Variants in MYH4 observed in about 807,000 individuals in gnomAD.
The protein encoded by MYH4 is myosin-4.
Under a neutral mutation model 229.9 loss-of-function variants are expected in MYH4, and 200 were observed. The ratio of observed to expected loss-of-function variants is 0.87; its 90% confidence interval spans 0.78 to 0.98. The LOEUF is 0.98. Ranked by LOEUF, MYH4 falls within the 50% of genes least tolerant of loss-of-function variation. The pLI is 0.00. For missense variants in MYH4, 2,148 were observed against 2,332.6 expected, an observed-to-expected ratio of 0.92 and a Z score of 1.63; for synonymous variants, 761 against 834.6, an observed-to-expected ratio of 0.91 and a Z score of 1.52.
At chr17:10,448,309 C>A in intron 33 of MYH4, 87 bp downstream of exon 33, 1 of 1,450,064 alleles carries the variant, frequency 6.9e-7, no homozygotes, top group East Asian at 2.4e-5. Flanking sequence ...GTGTTATTCC[C>A]TAAAGATTTG....
rs2072681093 is a variant in MYH4 at position 10,459,829 on chromosome 17, CA to C, written c.1416+122del. 3 of 1,562,658 alleles carry C rather than the reference CA, an allele frequency of 1.9e-6. No homozygotes were observed. In the East Asian group the frequency reaches 6.8e-5, roughly 35 times the overall value. ...TACCTATTTACTTTTCATATCTTTT[CA>C]AAGACTCCTTTCAGTAGGAATTACA... On this transcript the variant is annotated intron_variant, in intron 14 of 39. Transcript: ENST00000255381.
At chr17:10,460,352 G>T in intron 12 of MYH4, 31 bp from the exon 13 acceptor site, 1 of 1,457,518 alleles carries the variant, frequency 6.9e-7, no homozygotes, top group South Asian at 1.2e-5. Flanking sequence ...TGGTGAAACT[G>T]ACCATGGCTT....
Position 10,455,291 on chromosome 17 carries a change from TGTATCTGTCAGAATA to T in MYH4, c.2175-11_2178del. ...GGGATAGCACTCGCATTTAGAACCT[TGTATCTGTCAGAATA>T]AAAAGAATATAAAAATGTGGTTTTT... On this transcript the variant is annotated splice_acceptor_variant and splice_polypyrimidine_tract_variant and coding_sequence_variant and intron_variant, in exon 20 of 40. Transcript: ENST00000255381. LOFTEE classifies it high-confidence loss of function. 1 of 1,609,910 alleles carries T rather than the reference TGTATCTGTCAGAATA, an allele frequency of 6.2e-7. No individual in the cohort carries two copies. The highest frequency in any genetic ancestry group is 1.1e-5 in the South Asian group (1 of 89,760).
At chr17:10,464,800 A>G (rs1349953745) in intron 5 of MYH4, 92 bp from the exon 6 acceptor site, 1 of 1,272,028 alleles carries the variant, frequency 7.9e-7, no homozygotes, top group African/African-American at 1.5e-5. Flanking sequence ...GTCTTTTAAA[A>G]CTCCCCATTT....
At chr17:10,465,712 T>C in intron 4 of MYH4, 114 bp from the exon 5 acceptor site, 1 of 1,345,306 alleles carries the variant, frequency 7.4e-7, no homozygotes, top group Non-Finnish European at 1.0e-6. Context: ...TCTCATAAAG[T>C]TTCATTCATT....
In MYH4 at chr17:10,444,893, C is replaced by G. The variant is rs1309927142; in HGVS notation, c.5473G>C (p.Glu1825Gln). ...TCACTTTCCACCTCACTTTCAAGCT[C>G]TCTCACCTGGAAGGGAACAAAGACG... ...QIQKLEARVRELESEVESEQK... is the reference protein window; with the variant it reads ...QIQKLEARVRQLESEVESEQK... The change falls in exon 38 of 40, where the codon GAG (glutamate) becomes CAG (glutamine). Residue 1825 changes from glutamate to glutamine, a missense_variant. Glu to Gln is a conservative substitution (Grantham distance 29). Transcript: ENST00000255381. 2.5e-6 allele frequency: 4 copies of G among 1,614,032 alleles called. No homozygotes were observed. The highest frequency in any genetic ancestry group is 1.6e-4 in the Middle Eastern group (1 of 6,084).
chr17:10,454,403 T>G, intron 22 of MYH4, 152 bp downstream of exon 22: 4 of 997,952 alleles, frequency 4.0e-6, no homozygotes, highest in Non-Finnish European at 6.0e-6. Flanking sequence ...GTGTGCAGCA[T>G]GATATGTGAC....
rs112652869 is a variant in MYH4 at position 10,452,103 on chromosome 17, C to G, written c.3576G>C (p.Thr1192=). The change falls in exon 27 of 40, where the codon ACG becomes ACC. Residue 1192 remains threonine, a synonymous_variant. Transcript: ENST00000255381. Reference sequence around the variant, plus strand: ...CGTGCTTCTTCCGAAGAGCAGCTGCCGTGGCTTCGTGCTGCAGGGTGGACT... The same window carrying G: ...CGTGCTTCTTCCGAAGAGCAGCTGCGGTGGCTTCGTGCTGCAGGGTGGACT... ...LEESTLQHEA[T]AAALRKKHAD... The G allele has an allele frequency of 1.5e-4, 247 of 1,613,996 alleles. 4 individuals carry two copies. In the African/African-American group the frequency reaches 2.7e-3, roughly 17 times the overall value.
intron 14 of MYH4, 136 bp from the exon 15 acceptor site, chr17:10,459,557 TA>T: frequency 6.9e-7 from 1 of 1,447,638 alleles, no homozygotes; most frequent in South Asian, 1.3e-5. Context: ...TCCTATTATA[TA>T]GTTCTAAACA....
At position 10,452,853 on chromosome 17, in the gene MYH4, T is replaced by G. The variant is rs1338591164; in HGVS notation, c.3191A>C (p.Lys1064Thr). 6.2e-7 allele frequency: 1 copy of G among 1,609,096 alleles called. No individual in the cohort carries two copies. The highest frequency in any genetic ancestry group is 1.7e-5 in the Admixed American group (1 of 58,552). ...RAKRKLEGDL[K>T]LAQESTMDTE... ...ATCCATTGTGGATTCTTGGGCCAAT[T>G]TTAGGTCACCCTCCAGTTTTCTCTT... is the stretch of plus-strand genomic sequence containing the variant. Residue 1064 changes from lysine (K) to threonine (T), a missense_variant, in exon 25 of 40, where the codon AAA becomes ACA. Coordinates refer to ENST00000255381, the MANE Select transcript of MYH4 (RefSeq NM_017533.2).
At chr17:10,451,234 G>C in intron 28 of MYH4, 92 bp downstream of exon 28, 1 of 1,451,720 alleles carries the variant, frequency 6.9e-7, no homozygotes, top group South Asian at 1.3e-5. Context: ...TGAATGTACA[G>C]AGCTTGAGAA....
chr17:10,452,080 T>A lies in MYH4; in HGVS notation c.3599A>T (p.His1200Leu). The A allele has an allele frequency of 6.2e-7, 1 of 1,613,986 alleles. No individual in the cohort carries two copies. The highest frequency in any genetic ancestry group is 8.5e-7 in the Non-Finnish European group (1 of 1,179,930). ...CCCAAGCTCAGCCACACTATCTGCG[T>A]GCTTCTTCCGAAGAGCAGCTGCCGT... ...EATAAALRKK[H>L]ADSVAELGEQ... Residue 1200 changes from histidine to leucine, a missense_variant, in exon 27 of 40, where the codon CAC becomes CTC. Transcript: ENST00000255381.
chr17:10,466,782 T>C lies in MYH4; in HGVS notation c.-37A>G, dbSNP rs1157384376. On this transcript the variant is annotated splice_region_variant and 5_prime_UTR_variant, in exon 3 of 40. Coordinates refer to ENST00000255381, the MANE Select transcript of MYH4 (RefSeq NM_017533.2). ...ATTGATGGCAGTACTGGACTAGGTATACCTAGAGGAAGAAACAGAGCCAAA... is the reference window on the plus strand; with the variant it reads ...ATTGATGGCAGTACTGGACTAGGTACACCTAGAGGAAGAAACAGAGCCAAA... 1.2e-6 allele frequency: 2 copies of C among 1,604,754 alleles called. No individual in the cohort carries two copies. Among genetic ancestry groups the C allele is most frequent in the African/African-American group, 1.3e-5 (1 of 74,796 alleles).
Position 10,447,065 on chromosome 17 carries a change from G to T in MYH4, c.5117C>A (p.Ala1706Glu), listed in dbSNP as rs769268117. ...LERTERGRKMAEQELLDASER... is the reference protein window; with the variant it reads ...LERTERGRKMEEQELLDASER... ...ACTGGCATCCAGAAGCTCTTGCTCT[G>T]CCATTTTCCTGCCTCTCTCAGTCCG... is the stretch of plus-strand genomic sequence containing the variant. Residue 1706 changes from alanine (A) to glutamate (E), a missense_variant, in exon 35 of 40, where the codon GCA becomes GAA. Ala to Glu is a moderately radical substitution (Grantham distance 107, BLOSUM62 -1). Transcript: ENST00000255381. 3 of 1,614,134 alleles carry T rather than the reference G, an allele frequency of 1.9e-6. No individual in the cohort carries two copies. The highest frequency in any genetic ancestry group is 2.5e-6 in the Non-Finnish European group (3 of 1,180,026).
Position 10,459,973 on chromosome 17 carries a change from A to C in MYH4, c.1395T>G (p.Ile465Met). The C allele has an allele frequency of 6.2e-7, 1 of 1,614,014 alleles. No homozygotes were observed. Among genetic ancestry groups the C allele is most frequent in the Non-Finnish European group, 8.5e-7 (1 of 1,179,934 alleles). Residue 465 changes from isoleucine (I) to methionine (M), a missense_variant, in exon 14 of 40, where the codon ATT becomes ATG. Coordinates refer to ENST00000255381, the MANE Select transcript of MYH4 (RefSeq NM_017533.2). Reference sequence around the variant, plus strand: ...TCACATCAAAGATCTCAAAGCCAGCAATGTCCAAGACCCCGATGAAGTACT... The same window carrying C: ...TCACATCAAAGATCTCAAAGCCAGCCATGTCCAAGACCCCGATGAAGTACT... ...PRQYFIGVLDIAGFEIFDFNS... is the reference protein window; with the variant it reads ...PRQYFIGVLDMAGFEIFDFNS...
Position 10,465,440 on chromosome 17 carries a change from A to T in MYH4, c.505+2T>A, listed in dbSNP as rs768815343. The stretch of plus-strand genomic sequence containing the variant: ...GCTATGGAAATTGTAATTCTCACTC[A>T]CCAGTTAGCATGAACTGATAGGCAT... On this transcript the variant is annotated splice_donor_variant, in intron 5 of 39. Coordinates refer to ENST00000255381, the MANE Select transcript of MYH4 (RefSeq NM_017533.2). LOFTEE classifies it high-confidence loss of function. The T allele has an allele frequency of 1.2e-6, 2 of 1,613,492 alleles. No individual in the cohort carries two copies. Among genetic ancestry groups the T allele is most frequent in the Non-Finnish European group, 1.7e-6 (2 of 1,179,928 alleles).
chr17:10,457,018 T>C (rs2072647177), intron 16 of MYH4, among the ~76,000 whole-genome samples: 1 of 152,230 alleles, frequency 6.6e-6, no homozygotes, highest in Non-Finnish European at 1.5e-5. Context: ...GCACATCTGG[T>C]CTTAGAACAC....
intron 39 of MYH4, 88 bp downstream of exon 39, chr17:10,444,516 A>G: frequency 1.0e-6 from 1 of 961,004 alleles, no homozygotes. Context: ...CCCAATTTAA[A>G]GAAAACCCCC....
chr17:10,467,799 A>C (rs1764952200), intron 2 of MYH4, among the ~76,000 whole-genome samples: 1 of 152,242 alleles, frequency 6.6e-6, no homozygotes, highest in Non-Finnish European at 1.5e-5. Context: ...TGACAAATTA[A>C]TTATGAGAAA....
Sources: gnomAD v4.1 joint callset for allele counts (sites outside exome capture counted in the v4.1 genomes callset) on GRCh38, gnomAD v4.1.1 for gene constraint, MANE v1.5 for transcripts, NCBI Gene and HGNC (gene_info 2026-07-23, HGNC 2026-07-21) for gene names.